The following ANKRD42 variants were observed in gnomAD, a reference collection of about 807,000 sequenced individuals.
ANKRD42 encodes the protein ankyrin repeat domain 42, also known as ankyrin repeat domain-containing protein 42.
In ANKRD42, 43 loss-of-function variants were observed where a neutral mutation model predicts 51.5. The observed-to-expected ratio is 0.83, with a 90% CI of 0.65 to 1.08. The LOEUF (loss-of-function observed/expected upper bound fraction) is 1.08. Ranked by LOEUF, ANKRD42 falls within the 50% of genes least tolerant of loss-of-function variation. ANKRD42 has a pLI of 0.00. For missense variants in ANKRD42, 608 were observed against 629.3 expected (o/e 0.97, Z 0.36); for synonymous variants, 203 against 213.0 (o/e 0.95, Z 0.41).
intron 2 of ANKRD42, among the ~76,000 whole-genome samples, chr11:83,198,997 G>T (rs1861767517): frequency 6.6e-6 from 1 of 152,090 alleles, no homozygotes; most frequent in African/African-American, 2.4e-5. Flanking sequence ...GGTTGATGCT[G>T]GTTATGGATT....
chr11:83,245,610 G>T lies in ANKRD42; in HGVS notation c.1308G>T (p.Gln436His). 2.0e-6 allele frequency: 3 copies of T among 1,535,760 alleles called. No homozygotes were observed. Among genetic ancestry groups the T allele is most frequent in the Non-Finnish European group, 2.6e-6 (3 of 1,146,740 alleles). The change falls in exon 10 of 11, where the codon CAG becomes CAT. Residue 436 changes from glutamine to histidine, a missense_variant. Gln to His is a conservative substitution (Grantham distance 24, BLOSUM62 0). Coordinates refer to ENST00000533342, the MANE Select transcript of ANKRD42 (RefSeq NM_001300975.2). ...TEEDLKQKKE[Q>H]LESEKTIKEL... ...AAGATTTAAAGCAGAAGAAAGAACAGCTTGAGTCTGAAAAGTAATGTCCTT... is the reference window on the plus strand; with the variant it reads ...AAGATTTAAAGCAGAAGAAAGAACATCTTGAGTCTGAAAAGTAATGTCCTT...
intron 4 of ANKRD42, 168 bp from the exon 5 acceptor site, chr11:83,211,127 A>C: frequency 1.2e-6 from 1 of 830,332 alleles, no homozygotes; most frequent in East Asian, 2.6e-5. Context: ...ATAAAATTTT[A>C]TTAGCTCATA....
chr11:83,242,240 A>G (rs1399546004), intron 9 of ANKRD42, among the ~76,000 whole-genome samples: 1 of 152,166 alleles, frequency 6.6e-6, no homozygotes, highest in Non-Finnish European at 1.5e-5. Context: ...GGGAAGATAG[A>G]GTGAAAGCCA....
intron 9 of ANKRD42, among the ~76,000 whole-genome samples, chr11:83,242,567 G>T (rs1863418648): frequency 6.1e-5 from 7 of 115,542 alleles, no homozygotes; most frequent in African/African-American, 1.0e-4. Flanking sequence ...TGGTAGTTAA[G>T]TTTTTTTTTT....
At chr11:83,223,944 C>G (rs1488013170) in intron 5 of ANKRD42, among the ~76,000 whole-genome samples, 3 of 148,806 alleles carry the variant, frequency 2.0e-5, no homozygotes, top group Non-Finnish European at 4.4e-5. Flanking sequence ...CAGATTCATT[C>G]CTTTTTTTTT....
At chr11:83,223,340 G>A (rs952179968) in intron 5 of ANKRD42, among the ~76,000 whole-genome samples, 3 of 152,202 alleles carry the variant, frequency 2.0e-5, no homozygotes, top group African/African-American at 7.2e-5. Flanking sequence ...AATAGGGAGA[G>A]TAATTGGGAA....
At chr11:83,238,032 C>T (rs890959849) in intron 8 of ANKRD42, among the ~76,000 whole-genome samples, 1 of 152,174 alleles carries the variant, frequency 6.6e-6, no homozygotes, top group Non-Finnish European at 1.5e-5. Flanking sequence ...TTTTGAGATT[C>T]ATCTGTGTGT....
chr11:83,241,615 C>T lies in ANKRD42; in HGVS notation c.1195+681C>T, dbSNP rs75807226. ...TTGAGTAGAATCCCTAAGGAAGTGG[C>T]GACAGATTGGTCTGAAAGGTAAGCA... On this transcript the variant is annotated intron_variant, in intron 9 of 10. Transcript: ENST00000533342. Among the ~76,000 whole-genome samples, 109 of 152,164 alleles carry T rather than the reference C, an allele frequency of 7.2e-4. No individual in the cohort carries two copies. In the East Asian group the frequency reaches 0.018, roughly 25 times the overall value.
intron 7 of ANKRD42, among the ~76,000 whole-genome samples, chr11:83,233,005 G>T (rs982015393): frequency 1.3e-5 from 2 of 152,022 alleles, no homozygotes; most frequent in East Asian, 1.9e-4. Flanking sequence ...GATGATTTTT[G>T]CATGAATATT....
Position 83,248,408 on chromosome 11 carries a change from CA to C in ANKRD42, c.*205del. On this transcript the variant is annotated 3_prime_UTR_variant, in exon 11 of 11. Coordinates refer to ENST00000533342, the MANE Select transcript of ANKRD42 (RefSeq NM_001300975.2). ...TCTATCTTCAAACAGCAGCCTAGTT[CA>C]TAAGTATTATTGTTAACATTGTACC... 1 of 1,271,488 alleles carries C rather than the reference CA, an allele frequency of 7.9e-7. No individual in the cohort carries two copies. Among genetic ancestry groups the C allele is most frequent in the Non-Finnish European group, 9.9e-7 (1 of 1,013,762 alleles). 78.8% of individuals were successfully genotyped at this position (1,271,488 alleles called of 1,614,324 possible). A position where few individuals can be genotyped will look rare whatever the true frequency, so the allele number is the denominator to read the frequency against.
intron 7 of ANKRD42, among the ~76,000 whole-genome samples, chr11:83,230,598 T>C (rs1264790877): frequency 1.3e-5 from 2 of 151,892 alleles, no homozygotes; most frequent in Non-Finnish European, 2.9e-5. Flanking sequence ...TATTCTTTTT[T>C]TTTTTTGAGA....
intron 7 of ANKRD42, 140 bp from the exon 8 acceptor site, chr11:83,236,264 A>G (rs1377155501): frequency 1.9e-6 from 1 of 531,546 alleles, no homozygotes; most frequent in Admixed American, 3.7e-5. Context: ...ATATTTGCCC[A>G]ATGTACTTTT....
At position 83,193,744 on chromosome 11, in the gene ANKRD42, T is replaced by C; in HGVS notation, c.-927T>C. ...TCCAAGGCGACGGCCCTGCTGCCTC[T>C]CCAGCCAAGTGGCTGGAGTCGGGAG... On this transcript the variant is annotated 5_prime_UTR_variant, in exon 1 of 11. Transcript: ENST00000533342. The C allele has an allele frequency of 2.3e-6, 1 of 425,776 alleles. No individual in the cohort carries two copies. Among genetic ancestry groups the C allele is most frequent in the Non-Finnish European group, 4.7e-6 (1 of 213,348 alleles). 26.4% of individuals were successfully genotyped at this position (425,776 alleles called of 1,614,324 possible). A position where few individuals can be genotyped will look rare whatever the true frequency, so the allele number is the denominator to read the frequency against.
intron 7 of ANKRD42, among the ~76,000 whole-genome samples, chr11:83,229,661 A>G (rs953721376): frequency 3.9e-5 from 6 of 152,164 alleles, no homozygotes; most frequent in African/African-American, 7.2e-5. Context: ...TGTTTTTAAT[A>G]TAGATGTTGG....
At chr11:83,202,949 A>C (rs183190867) in intron 2 of ANKRD42, among the ~76,000 whole-genome samples, 131 of 150,640 alleles carry the variant, frequency 8.7e-4, no homozygotes, top group South Asian at 7.8e-3. Flanking sequence ...TTTAGTGTCT[A>C]GCACAGTGCC....
chr11:83,251,159 T>C (rs1242349437), downstream of ANKRD42, among the ~76,000 whole-genome samples: 1 of 152,214 alleles, frequency 6.6e-6, no homozygotes, highest in Non-Finnish European at 1.5e-5. Flanking sequence ...TAAGCCTTTG[T>C]TCAATTTGTC....
chr11:83,238,007 C>A (rs1565194363), intron 8 of ANKRD42, among the ~76,000 whole-genome samples: 1 of 152,184 alleles, frequency 6.6e-6, no homozygotes, highest in East Asian at 1.9e-4. Flanking sequence ...TGGCTTCTTT[C>A]ACTCAACGTA....
intron 4 of ANKRD42, among the ~76,000 whole-genome samples, chr11:83,210,639 T>C (rs1862279512): frequency 6.6e-6 from 1 of 152,178 alleles, no homozygotes. Context: ...ACAAAGTACT[T>C]GAGAGGTTTT....
chr11:83,223,333 A>G (rs976635167), intron 5 of ANKRD42, among the ~76,000 whole-genome samples: 2 of 152,340 alleles, frequency 1.3e-5, no homozygotes, highest in Admixed American at 1.3e-4. Context: ...CGTAAGAAAT[A>G]GGGAGAGTAA....
Sources: allele counts gnomAD v4.1 joint callset (sites outside exome capture counted in the v4.1 genomes callset), GRCh38; gene constraint gnomAD v4.1.1; transcripts MANE v1.5; gene names NCBI Gene and HGNC (gene_info 2026-07-23, HGNC 2026-07-21).